CEP126: variants seen among roughly 807,000 people sequenced by gnomAD.
CEP126 encodes centrosomal protein 126, also known as centrosomal protein of 126 kDa.
Under a neutral mutation model 107.8 loss-of-function variants are expected in CEP126, and 74 were observed. That is an observed-to-expected ratio of 0.69 (90% CI 0.57 to 0.83). The LOEUF (loss-of-function observed/expected upper bound fraction) is 0.83. CEP126 is among the 40% of genes least tolerant of loss of function. The probability of loss-of-function intolerance (pLI) is 0.00; values close to 1 mark genes in which losing one functional copy is unlikely to be tolerated. For synonymous variants in CEP126, 449 were observed against 446.0 expected, an observed-to-expected ratio of 1.01 and a Z score of -0.08; for missense variants, 1,237 against 1,281.9, an observed-to-expected ratio of 0.96 and a Z score of 0.53.
chr11:101,948,579 G>A (rs1013625113), intron 4 of CEP126, among the ~76,000 whole-genome samples: 1 of 152,106 alleles, frequency 6.6e-6, no homozygotes, highest in Admixed American at 6.5e-5. Flanking sequence ...AGAGTCTCCT[G>A]GTTCTTCTGC....
chr11:101,992,946 G>A, intron 10 of CEP126, 104 bp downstream of exon 10: 2 of 1,164,030 alleles, frequency 1.7e-6, no homozygotes, highest in Non-Finnish European at 2.2e-6. Context: ...ATATTTCTTG[G>A]GATTGGTTTA....
chr11:101,963,254 A>T lies in CEP126; in HGVS notation c.2219A>T (p.Asp740Val). Residue 740 changes from aspartate to valine, a missense_variant, in exon 6 of 11, where the codon GAT becomes GTT. This residue lies in a region of CEP126 where 1,134 missense variants were observed against 1,150.5 expected (regional missense o/e 0.99). Coordinates refer to ENST00000263468, the MANE Select transcript of CEP126 (RefSeq NM_020802.4). ...KKEESKIPVHDDSKTKQGKPQ... is the reference protein window; with the variant it reads ...KKEESKIPVHVDSKTKQGKPQ... Reference sequence around the variant, plus strand: ...GAAGAAAGTAAAATCCCTGTACATGATGATTCTAAAACTAAGCAAGGTAAG... The same window carrying T: ...GAAGAAAGTAAAATCCCTGTACATGTTGATTCTAAAACTAAGCAAGGTAAG... 6.2e-7 allele frequency: 1 copy of T among 1,614,072 alleles called. No individual in the cohort carries two copies. The highest frequency in any genetic ancestry group is 8.5e-7 in the Non-Finnish European group (1 of 1,180,022).
At chr11:101,984,165 G>A (rs1163482210) in intron 8 of CEP126, among the ~76,000 whole-genome samples, 1 of 152,198 alleles carries the variant, frequency 6.6e-6, no homozygotes, top group African/African-American at 2.4e-5. Context: ...TTCTTGAACA[G>A]CATGCCAGCA....
chr11:101,975,942 C>T (rs1421056700), intron 6 of CEP126, among the ~76,000 whole-genome samples: 2 of 152,184 alleles, frequency 1.3e-5, no homozygotes, highest in Non-Finnish European at 2.9e-5. Context: ...GCATAGTACT[C>T]CATGTTGTAT....
chr11:101,950,983 G>T (rs547957655), intron 4 of CEP126, among the ~76,000 whole-genome samples: 1 of 152,224 alleles, frequency 6.6e-6, no homozygotes, highest in South Asian at 2.1e-4. Flanking sequence ...TGGAGGCAAG[G>T]AGACCAGAGA....
intron 6 of CEP126, among the ~76,000 whole-genome samples, chr11:101,967,926 A>C (rs1196007034): frequency 6.6e-6 from 1 of 152,340 alleles, no homozygotes; most frequent in African/African-American, 2.4e-5. Context: ...GCACAACTCC[A>C]GATAGCACCA....
At chr11:101,923,143 A>C (rs1940357130) in intron 2 of CEP126, among the ~76,000 whole-genome samples, 1 of 152,142 alleles carries the variant, frequency 6.6e-6, no homozygotes, top group African/African-American at 2.4e-5. Context: ...TTTGTTATTC[A>C]CTTCTATATA....
In CEP126 at chr11:101,982,046, G is replaced by A. The variant is rs546050691; in HGVS notation, c.3034+82G>A. 1.1e-4 allele frequency: 80 copies of A among 727,790 alleles called. No individual in the cohort carries two copies. In the African/African-American group the frequency reaches 1.3e-3, roughly 12 times the overall value. The allele number at this position is 727,790 out of a possible 1,614,324, so 45.1% of individuals were successfully genotyped here. On this transcript the variant is annotated intron_variant, in intron 8 of 10. Coordinates refer to ENST00000263468, the MANE Select transcript of CEP126 (RefSeq NM_020802.4). ...TGTATGCCTATTCTCAGATGCTAAC[G>A]TATTATGTAATTGTTAAAGCACCAT...
intron 4 of CEP126, among the ~76,000 whole-genome samples, chr11:101,957,220 G>T (rs1290857013): frequency 6.6e-6 from 1 of 152,084 alleles, no homozygotes; most frequent in African/African-American, 2.4e-5. Context: ...TAGGGAATAG[G>T]TATATATCAC....
intron 2 of CEP126, among the ~76,000 whole-genome samples, chr11:101,927,160 G>A (rs1026481147): frequency 6.6e-6 from 1 of 152,058 alleles, no homozygotes; most frequent in Non-Finnish European, 1.5e-5. Flanking sequence ...AAATTAGCTG[G>A]GCATTGTGGC....
rs1941455682 is a variant in CEP126 at position 101,997,473 on chromosome 11, A to G, written c.3310-126A>G. 37 of 1,458,582 alleles carry G rather than the reference A, an allele frequency of 2.5e-5. 1 individual carries two copies. The South Asian group carries it at 4.0e-4, about 16-fold the overall frequency. The allele number at this position is 1,458,582 out of a possible 1,614,324, so 90.4% of individuals were successfully genotyped here. A position where few individuals can be genotyped will look rare whatever the true frequency, so the allele number is the denominator to read the frequency against. ...TCTATAAAGTCCTCTGCAATCTTAA[A>G]CTCATTACCTGGGAGAATGATGTCA... On this transcript the variant is annotated intron_variant, in intron 10 of 10. Transcript: ENST00000263468.
chr11:101,965,975 A>G (rs1352643079), intron 6 of CEP126, among the ~76,000 whole-genome samples: 1 of 152,186 alleles, frequency 6.6e-6, no homozygotes, highest in Non-Finnish European at 1.5e-5. Context: ...TAGTTTCCCA[A>G]TAGCTTATGT....
chr11:101,937,840 A>C (rs1752676905), intron 2 of CEP126, among the ~76,000 whole-genome samples: 1 of 152,000 alleles, frequency 6.6e-6, no homozygotes, highest in South Asian at 2.1e-4. Flanking sequence ...CGGTTTTGGA[A>C]AGTAGTTTCT....
chr11:101,957,045 A>G (rs1940908944), intron 4 of CEP126: 1 of 280,166 alleles, frequency 3.6e-6, no homozygotes, highest in Non-Finnish European at 6.9e-6. Flanking sequence ...GAAAGTGTAA[A>G]AGGAAGAGAC....
chr11:101,987,352 G>A (rs1267504461), intron 9 of CEP126, among the ~76,000 whole-genome samples: 2 of 152,132 alleles, frequency 1.3e-5, no homozygotes, highest in African/African-American at 2.4e-5. Context: ...CCTTGATTAA[G>A]TATTTTTTAA....
In CEP126 at chr11:101,915,219, G is replaced by A. The variant is rs1380153399; in HGVS notation, c.-66G>A. The A allele has an allele frequency of 1.9e-6, 3 of 1,599,816 alleles. No homozygotes were observed. The highest frequency in any genetic ancestry group is 2.6e-6 in the Non-Finnish European group (3 of 1,172,614). Reference sequence around the variant, plus strand: ...GTAGGGAGGGGCCGAGCAGGAGGAGGAGGAAGCCGGAGCTGCCATGAGGGA... The same window carrying A: ...GTAGGGAGGGGCCGAGCAGGAGGAGAAGGAAGCCGGAGCTGCCATGAGGGA... On this transcript the variant is annotated 5_prime_UTR_variant, in exon 1 of 11. Transcript: ENST00000263468.
chr11:101,982,260 T>C (rs1941265132), intron 8 of CEP126, among the ~76,000 whole-genome samples: 1 of 152,194 alleles, frequency 6.6e-6, no homozygotes, highest in South Asian at 2.1e-4. Flanking sequence ...TAAATATTTA[T>C]TGAATTAAAC....
chr11:101,966,869 A>G (rs956480095), intron 6 of CEP126, among the ~76,000 whole-genome samples: 6 of 151,866 alleles, frequency 4.0e-5, no homozygotes, highest in African/African-American at 1.5e-4. Flanking sequence ...TATGGATCCT[A>G]TTACCCAGGT....
chr11:101,946,095 A>G (rs1469067138), intron 3 of CEP126, among the ~76,000 whole-genome samples: 1 of 152,178 alleles, frequency 6.6e-6, no homozygotes, highest in Non-Finnish European at 1.5e-5. Flanking sequence ...AAAGCAGTGC[A>G]CTGAGTGTAA....
Sources: gnomAD v4.1 joint callset for allele counts (sites outside exome capture counted in the v4.1 genomes callset) on GRCh38, gnomAD v4.1.1 for gene constraint, gnomAD v4.1.1 regional missense constraint, MANE v1.5 for transcripts, NCBI Gene and HGNC (gene_info 2026-07-23, HGNC 2026-07-21) for gene names.